The following ABCC1 variants were observed in gnomAD, a reference collection of about 807,000 sequenced individuals.
ABCC1 encodes the protein multidrug resistance-associated protein 1.
ABCC1 carries 83 observed loss-of-function variants against 172.9 expected under a neutral mutation model. The observed-to-expected ratio is 0.48, with a 90% CI of 0.40 to 0.58. The LOEUF is 0.58. ABCC1 is among the 20% of genes least tolerant of loss of function. The pLI is 0.00. For synonymous variants in ABCC1, 937 were observed against 825.2 expected, an observed-to-expected ratio of 1.14 and a Z score of -2.32; for missense variants, 1,817 against 2,002.7, an observed-to-expected ratio of 0.91 and a Z score of 1.77.
intron 12 of ABCC1, among the ~76,000 whole-genome samples, chr16:16,066,371 G>A (rs899216589): frequency 7.9e-5 from 12 of 151,688 alleles, no homozygotes; most frequent in African/African-American, 2.9e-4. Context: ...AGTAGAGACG[G>A]AGTTTCTCCA....
intron 1 of ABCC1, among the ~76,000 whole-genome samples, chr16:15,989,691 G>T (rs1383645944): frequency 6.6e-6 from 1 of 151,956 alleles, no homozygotes; most frequent in Non-Finnish European, 1.5e-5. Context: ...ATCCAGGACG[G>T]TCCTGCCCCT....
chr16:16,136,972 G>A (rs1242650354), intron 29 of ABCC1, among the ~76,000 whole-genome samples: 1 of 152,116 alleles, frequency 6.6e-6, no homozygotes, highest in East Asian at 1.9e-4. Flanking sequence ...GAGCCCCCAG[G>A]TCCCCATGCA....
chr16:16,041,644 C>T (rs2048981529), intron 7 of ABCC1, among the ~76,000 whole-genome samples: 1 of 152,162 alleles, frequency 6.6e-6, no homozygotes, highest in Non-Finnish European at 1.5e-5. Context: ...ACACTCAGAT[C>T]CCTTTTGTTA....
intron 5 of ABCC1, among the ~76,000 whole-genome samples, chr16:16,025,013 CAAAG>C (rs146301535): frequency 0.03 from 4,600 of 152,132 alleles, 100 homozygotes; most frequent in Middle Eastern, 0.058. Flanking sequence ...AACAAAAAAA[CAAAG>C]AAAACAGACA....
chr16:16,039,142 T>C (rs758012720), intron 7 of ABCC1, among the ~76,000 whole-genome samples: 5 of 151,736 alleles, frequency 3.3e-5, no homozygotes, highest in Non-Finnish European at 5.9e-5. Flanking sequence ...CAAGAAGCTT[T>C]GGAGAATGAT....
intron 28 of ABCC1, among the ~76,000 whole-genome samples, chr16:16,135,047 G>A (rs2045866741): frequency 6.6e-6 from 1 of 152,180 alleles, no homozygotes. Context: ...CCGACTTCCT[G>A]TCCCCGGGAG....
intron 1 of ABCC1, among the ~76,000 whole-genome samples, chr16:16,002,175 G>T (rs938533558): frequency 1.3e-5 from 2 of 152,238 alleles, no homozygotes; most frequent in African/African-American, 4.8e-5. Flanking sequence ...CCGTAACAAA[G>T]AGTGAGGAAA....
In ABCC1 at chr16:16,052,933, T is replaced by C. The variant is rs1028080968; in HGVS notation, c.1473+117T>C. 4.9e-5 allele frequency: 44 copies of C among 900,878 alleles called. No individual in the cohort carries two copies. In the East Asian group the frequency reaches 7.7e-4, roughly 16 times the overall value. 55.8% of individuals were successfully genotyped at this position (900,878 alleles called of 1,614,324 possible). On this transcript the variant is annotated intron_variant, in intron 11 of 30. Coordinates refer to ENST00000399410, the MANE Select transcript of ABCC1 (RefSeq NM_004996.4). ...TGGGGTTCTCAGCCTTGCCTGCCAG[T>C]TGGACTCACTTGGGGAGCCTTAACA...
intron 8 of ABCC1, among the ~76,000 whole-genome samples, chr16:16,045,627 A>G (rs558274070): frequency 2.0e-4 from 30 of 152,028 alleles, no homozygotes; most frequent in Admixed American, 7.9e-4. Flanking sequence ...TTAGTGCACA[A>G]CCCCAAGGCA....
intron 19 of ABCC1, among the ~76,000 whole-genome samples, chr16:16,096,643 A>G (rs891142240): frequency 6.6e-6 from 1 of 152,186 alleles, no homozygotes; most frequent in African/African-American, 2.4e-5. Context: ...TGAGGCGTTG[A>G]CTATAAAGCT....
chr16:16,005,980 C>G (rs943663602), intron 1 of ABCC1, among the ~76,000 whole-genome samples: 1 of 137,222 alleles, frequency 7.3e-6, no homozygotes, highest in African/African-American at 2.7e-5. Flanking sequence ...GGTGACAAAG[C>G]AAGACTCTGT....
chr16:16,016,957 A>C (rs1035025635), intron 5 of ABCC1, among the ~76,000 whole-genome samples: 1 of 139,578 alleles, frequency 7.2e-6, no homozygotes, highest in Non-Finnish European at 1.6e-5. Context: ...TGTTCTGGAA[A>C]AGTAAAGTTC....
chr16:16,046,765 A>ATT (rs59987503), intron 9 of ABCC1, among the ~76,000 whole-genome samples: 28,251 of 145,000 alleles, frequency 0.19, 2,887 homozygotes, highest in Non-Finnish European at 0.22. Context: ...ATCCCTATAA[A>ATT]TTTTTTTTTT....
intron 5 of ABCC1, among the ~76,000 whole-genome samples, chr16:16,028,974 C>A (rs1032446459): frequency 5.3e-5 from 8 of 152,046 alleles, no homozygotes; most frequent in Admixed American, 1.3e-4. Flanking sequence ...CAGGGTCCTC[C>A]CCCTGGAGGT....
intron 26 of ABCC1, among the ~76,000 whole-genome samples, chr16:16,126,398 G>T (rs887938854): frequency 3.3e-5 from 5 of 152,016 alleles, no homozygotes; most frequent in Non-Finnish European, 5.9e-5. Context: ...TGGTTTTTTT[G>T]TGTGTGTGAT....
intron 13 of ABCC1, 29 bp downstream of exon 13, chr16:16,068,331 A>G: frequency 1.2e-6 from 2 of 1,611,686 alleles, no homozygotes; most frequent in Non-Finnish European, 1.7e-6. Context: ...GCGACTTCCG[A>G]GAGGGGGCCT....
chr16:16,137,505 A>G (rs1475623553), intron 29 of ABCC1, among the ~76,000 whole-genome samples: 3 of 137,970 alleles, frequency 2.2e-5, no homozygotes, highest in Non-Finnish European at 4.6e-5. Flanking sequence ...GCCACCTCTC[A>G]TGGCCCCACA....
chr16:16,116,298 G>A lies in ABCC1; in HGVS notation c.3390+1222G>A, dbSNP rs1364770941. On this transcript the variant is annotated intron_variant, in intron 23 of 30. Transcript: ENST00000399410. ...CAGTCAGTGAGATCAAGGAAGGGAA[G>A]TAGGGCAAGGGAGCATATGGGTGCT... Among the ~76,000 whole-genome samples the A allele has an allele frequency of 1.2e-4, 18 of 152,092 alleles. 2 individuals carry two copies. The highest frequency in any genetic ancestry group is 1.1e-3 in the Admixed American group (17 of 15,246).
intron 3 of ABCC1, among the ~76,000 whole-genome samples, chr16:16,012,772 T>A (rs913676169): frequency 4.0e-5 from 6 of 151,106 alleles, no homozygotes; most frequent in African/African-American, 9.8e-5. Flanking sequence ...AACCTCTGCC[T>A]CCCGGGTTCA....
Sources: gnomAD v4.1 joint callset for allele counts (sites outside exome capture counted in the v4.1 genomes callset) on GRCh38, gnomAD v4.1.1 for gene constraint, MANE v1.5 for transcripts, NCBI Gene and HGNC (gene_info 2026-07-23, HGNC 2026-07-21) for gene names.